Variants in TRIML1 observed in about 807,000 individuals in gnomAD.
The protein encoded by TRIML1 is probable E3 ubiquitin-protein ligase TRIML1.
A neutral mutation model predicts 32.3 loss-of-function variants in TRIML1; 34 were observed. The observed-to-expected ratio is 1.05, with a 90% CI of 0.80 to 1.40. The LOEUF (loss-of-function observed/expected upper bound fraction) is 1.40. Ranked by LOEUF, TRIML1 falls within the 40% of genes most tolerant of loss-of-function variation. The pLI is 0.00. For synonymous variants in TRIML1, 244 were observed against 226.6 expected (o/e 1.08, Z -0.69); for missense variants, 595 against 574.9 (o/e 1.03, Z -0.36).
rs1734893757 is a variant in TRIML1, at chr4:188,142,363, G to C, written c.616G>C (p.Glu206Gln). 1 of 1,613,640 alleles carries C rather than the reference G, an allele frequency of 6.2e-7. No homozygotes were observed. The highest frequency in any genetic ancestry group is 1.3e-5 in the African/African-American group (1 of 74,798). ...QLQLLEQEEKENMRKLRNNEI... is the reference protein window; with the variant it reads ...QLQLLEQEEKQNMRKLRNNEI... ...CCAGCTACTAGAACAGGAAGAGAAA[G>C]AGAACATGAGGAAGCTGAGGAACAA... Residue 206 changes from glutamate (E) to glutamine (Q), a missense_variant, in exon 3 of 6, where the codon GAG (glutamate) becomes CAG (glutamine). Glu to Gln is a conservative substitution (Grantham distance 29). Coordinates refer to ENST00000332517, the MANE Select transcript of TRIML1 (RefSeq NM_178556.5).
intron 2 of TRIML1, 94 bp downstream of exon 2, chr4:188,140,717 AT>A (rs1734822778): frequency 1.1e-5 from 10 of 947,822 alleles, no homozygotes; most frequent in Non-Finnish European, 1.6e-5. Flanking sequence ...AAAAAGACAA[AT>A]TTTTCCAGTC....
downstream of TRIML1, among the ~76,000 whole-genome samples, chr4:188,148,020 A>G (rs192880676): frequency 1.8e-3 from 273 of 152,350 alleles, 2 homozygotes; most frequent in Non-Finnish European, 2.9e-3. Flanking sequence ...GGAACCTTCC[A>G]TTAATATGTT....
At chr4:188,145,607 G>C (rs570280326) in intron 5 of TRIML1, among the ~76,000 whole-genome samples, 1 of 151,896 alleles carries the variant, frequency 6.6e-6, no homozygotes, top group Non-Finnish European at 1.5e-5. Flanking sequence ...TGGATCACCC[G>C]AGGTCGGGAG....
chr4:188,140,784 C>T (rs751891776), intron 2 of TRIML1, 161 bp downstream of exon 2: 17 of 586,102 alleles, frequency 2.9e-5, no homozygotes, highest in South Asian at 6.4e-5. Flanking sequence ...TGAGCGTCCT[C>T]GTGGGAGTCT....
chr4:188,146,982 G>C lies in TRIML1; in HGVS notation c.1017G>C (p.Gly339=). ...TGGGTACTCAGATCTTCACCAGTGG[G>C]AGACACTACTGGGAGGTGGAGGTGG... ...TVLGTQIFTS[G]RHYWEVEVGN... is the part of the protein sequence containing the mutation. Residue 339 remains glycine (G), a synonymous_variant, in exon 6 of 6, where the codon GGG becomes GGC. Transcript: ENST00000332517. 1 of 1,570,288 alleles carries C rather than the reference G, an allele frequency of 6.4e-7. No homozygotes were observed. Among genetic ancestry groups the C allele is most frequent in the Non-Finnish European group, 8.6e-7 (1 of 1,157,838 alleles).
At chr4:188,148,903 T>TTTA (rs1172625130), downstream of TRIML1, among the ~76,000 whole-genome samples, 1 of 52,572 alleles carries the variant, frequency 1.9e-5, no homozygotes, top group Non-Finnish European at 4.0e-5. Context: ...TGCCCAGGCT[T>TTTA]TTTTTTTTTT....
intron 4 of TRIML1, 87 bp from the exon 5 acceptor site, chr4:188,143,949 T>C (rs970276629): frequency 1.2e-6 from 2 of 1,607,778 alleles, no homozygotes; most frequent in Non-Finnish European, 1.7e-6. Context: ...GTCTGCGCTG[T>C]TGCTGGGGGA....
chr4:188,142,129 A>AAG (rs1734878184), intron 2 of TRIML1, 123 bp from the exon 3 acceptor site: 1 of 673,540 alleles, frequency 1.5e-6, no homozygotes, highest in South Asian at 2.2e-5. Flanking sequence ...AAAAAAAAAA[A>AAG]AAAGAAAGAA....
chr4:188,139,823 G>A lies in TRIML1; in HGVS notation c.265G>A (p.Glu89Lys), dbSNP rs553268136. ...GCTCCGGTCCCAGGTGCTGCAGAGC[G>A]AGGATGAGCAGGGCAGCTACGGGAG... ...RQLRSQVLQSEDEQGSYGRMP... is the reference protein window; with the variant it reads ...RQLRSQVLQSKDEQGSYGRMP... The change falls in exon 1 of 6, where the codon GAG becomes AAG. Residue 89 changes from glutamate to lysine, a missense_variant. Physicochemically the swap from Glu to Lys is moderately conservative, Grantham distance 56. Transcript: ENST00000332517. 6 of 1,613,966 alleles carry A rather than the reference G, an allele frequency of 3.7e-6. No individual in the cohort carries two copies. The highest frequency in any genetic ancestry group is 1.7e-5 in the Admixed American group (1 of 60,030).
chr4:188,146,767 C>T (rs1200307389), intron 5 of TRIML1, 55 bp from the exon 6 acceptor site: 3 of 1,265,312 alleles, frequency 2.4e-6, no homozygotes, highest in South Asian at 2.9e-5. Context: ...TCTCACATAC[C>T]TAAGAGGTTT....
rs765615299 is a variant in TRIML1 at position 188,146,832 on chromosome 4, G to A, written c.867G>A (p.Thr289=). 1.9e-5 allele frequency: 26 copies of A among 1,392,136 alleles called. No individual in the cohort carries two copies. The highest frequency in any genetic ancestry group is 1.4e-4 in the Admixed American group (5 of 35,882). The allele number at this position is 1,392,136 out of a possible 1,614,324, so 86.2% of individuals were successfully genotyped here. A position where few individuals can be genotyped will look rare whatever the true frequency, so the allele number is the denominator to read the frequency against. Residue 289 remains threonine (T), a synonymous_variant, in exon 6 of 6, where the codon ACG becomes ACA. Coordinates refer to ENST00000332517, the MANE Select transcript of TRIML1 (RefSeq NM_178556.5). ...TTCCTCCTCTTGCAGCGGAGATAAC[G>A]CTGGACCCAGCCACAGCTAATGCCT... ...EMLRKFSTEI[T]LDPATANAYL... is the part of the protein sequence containing the mutation.
downstream of TRIML1, among the ~76,000 whole-genome samples, chr4:188,150,081 G>T (rs1282712614): frequency 6.6e-6 from 1 of 152,008 alleles, no homozygotes; most frequent in Non-Finnish European, 1.5e-5. Context: ...TGAGATTAGA[G>T]ACGTGAGCCA....
rs1449691390 is a variant in TRIML1, at chr4:188,145,473, AAAAG to A, written c.856+1341_856+1344del. Among the ~76,000 whole-genome samples, 51 of 26,988 alleles carry A rather than the reference AAAAG, an allele frequency of 1.9e-3. 5 individuals carry two copies. Among genetic ancestry groups the A allele is most frequent in the African/African-American group, 3.4e-3 (24 of 7,130 alleles). 17.7% of individuals were successfully genotyped at this position (26,988 alleles called of 152,430 possible). A position where few individuals can be genotyped will look rare whatever the true frequency, so the allele number is the denominator to read the frequency against. ...AAAAAAAAAAAAAAAAAAAAAAAAAAAAAGTCAGAAATGGAATGACTGGGGTACC... is the reference window on the plus strand; with the variant it reads ...AAAAAAAAAAAAAAAAAAAAAAAAAATCAGAAATGGAATGACTGGGGTACC... On this transcript the variant is annotated intron_variant, in intron 5 of 5. Coordinates refer to ENST00000332517, the MANE Select transcript of TRIML1 (RefSeq NM_178556.5).
chr4:188,145,037 A>G (rs1735016903), intron 5 of TRIML1, among the ~76,000 whole-genome samples: 1 of 152,168 alleles, frequency 6.6e-6, no homozygotes, highest in Admixed American at 6.6e-5. Flanking sequence ...AGTAAGGCAG[A>G]TTTTGCCTTT....
intron 5 of TRIML1, among the ~76,000 whole-genome samples, chr4:188,145,096 C>T (rs749433501): frequency 6.6e-6 from 1 of 152,056 alleles, no homozygotes; most frequent in Non-Finnish European, 1.5e-5. Flanking sequence ...ATTAATCACA[C>T]AGATAATTAG....
Position 188,147,488 on chromosome 4 carries a change from C to A in TRIML1, c.*116C>A. On this transcript the variant is annotated 3_prime_UTR_variant, in exon 6 of 6. Coordinates refer to ENST00000332517, the MANE Select transcript of TRIML1 (RefSeq NM_178556.5). Reference sequence around the variant, plus strand: ...GTGATCTGAAATAAACTCCCGTAACCCCACCCCACCCCCAAGAGTTTCCAT... The same window carrying A: ...GTGATCTGAAATAAACTCCCGTAACACCACCCCACCCCCAAGAGTTTCCAT... 1 of 821,542 alleles carries A rather than the reference C, an allele frequency of 1.2e-6. No homozygotes were observed. The highest frequency in any genetic ancestry group is 1.7e-6 in the Non-Finnish European group (1 of 595,244). The allele number at this position is 821,542 out of a possible 1,614,324, so 50.9% of individuals were successfully genotyped here. A position where few individuals can be genotyped will look rare whatever the true frequency, so the allele number is the denominator to read the frequency against.
At chr4:188,145,726 A>G (rs1354784885) in intron 5 of TRIML1, among the ~76,000 whole-genome samples, 1 of 152,124 alleles carries the variant, frequency 6.6e-6, no homozygotes, top group East Asian at 1.9e-4. Flanking sequence ...CTGAGGCAAG[A>G]GAATCACTTG....
intron 1 of TRIML1, 132 bp downstream of exon 1, chr4:188,140,098 T>A: frequency 1.0e-6 from 1 of 954,112 alleles, no homozygotes; most frequent in African/African-American, 1.7e-5. Flanking sequence ...CAAACTGGCG[T>A]GGGTCCAGTT....
chr4:188,145,873 T>A (rs1373730083), intron 5 of TRIML1, among the ~76,000 whole-genome samples: 3 of 152,076 alleles, frequency 2.0e-5, no homozygotes, highest in Non-Finnish European at 4.4e-5. Flanking sequence ...TCACAGACTA[T>A]GTGTGCTTCA....
Sources: allele counts gnomAD v4.1 joint callset (sites outside exome capture counted in the v4.1 genomes callset), GRCh38; gene constraint gnomAD v4.1.1; transcripts MANE v1.5; gene names NCBI Gene and HGNC (gene_info 2026-07-23, HGNC 2026-07-21).